The following ANKRD44 variants were observed in gnomAD, a reference collection of about 807,000 sequenced individuals.
ANKRD44 encodes the protein ankyrin repeat domain 44.
ANKRD44 carries 35 observed loss-of-function variants against 116.0 expected under a neutral mutation model. The ratio of observed to expected loss-of-function variants is 0.30; its 90% CI spans 0.23 to 0.40. The LOEUF is 0.40. ANKRD44 is among the 10% of genes least tolerant of loss of function. The pLI, the probability that ANKRD44 is intolerant of heterozygous loss-of-function variation, is 1.00. For synonymous variants in ANKRD44, 435 were observed against 461.8 expected, an observed-to-expected ratio of 0.94 and a Z score of 0.74; for missense variants, 1,014 against 1,242.6, an observed-to-expected ratio of 0.82 and a Z score of 2.77.
At chr2:197,074,406 T>TA (rs1372557401) in intron 16 of ANKRD44, among the ~76,000 whole-genome samples, 1 of 151,656 alleles carries the variant, frequency 6.6e-6, no homozygotes, top group Non-Finnish European at 1.5e-5. Context: ...GTTTTCCTTT[T>TA]TTAAATGCTT....
chr2:197,146,173 A>G (rs2125427486), intron 3 of ANKRD44, among the ~76,000 whole-genome samples: 1 of 152,350 alleles, frequency 6.6e-6, no homozygotes, highest in African/African-American at 2.4e-5. Flanking sequence ...GACCAGTATA[A>G]ACACAAATCA....
intron 1 of ANKRD44, among the ~76,000 whole-genome samples, chr2:197,204,650 T>A (rs1053896852): frequency 1.3e-5 from 2 of 152,322 alleles, no homozygotes; most frequent in East Asian, 1.9e-4. Context: ...AATGCCCTGA[T>A]TTTTAAATGT....
At chr2:197,248,551 T>A (rs1399961173) in intron 1 of ANKRD44, among the ~76,000 whole-genome samples, 2 of 87,728 alleles carry the variant, frequency 2.3e-5, no homozygotes, top group African/African-American at 4.2e-5. Flanking sequence ...TACATATATG[T>A]ATATGTGTGT....
chr2:197,170,675 C>G (rs1296564357), intron 2 of ANKRD44, among the ~76,000 whole-genome samples: 2 of 152,086 alleles, frequency 1.3e-5, no homozygotes, highest in Admixed American at 1.3e-4. Flanking sequence ...TTGTTAAAGT[C>G]TGAAATGTTC....
At position 197,270,292 on chromosome 2, in the gene ANKRD44, G is replaced by T. The variant is rs776007643; in HGVS notation, c.27+40286C>A. Among the ~76,000 whole-genome samples, 215 of 152,198 alleles carry T rather than the reference G, an allele frequency of 1.4e-3. 1 individual carries two copies. The highest frequency in any genetic ancestry group is 2.8e-4 in the Non-Finnish European group (19 of 68,016). On this transcript the variant is annotated intron_variant, in intron 1 of 27. Transcript: ENST00000282272. ...GGGAGTCAGACTCTGTGCCAGATGT[G>T]GAGGAGAGAGAACAGACTCTAAAGC...
intron 17 of ANKRD44, chr2:197,015,511 G>A: frequency 4.2e-6 from 2 of 479,296 alleles, no homozygotes; most frequent in Non-Finnish European, 3.9e-6. Flanking sequence ...GATGCAGTCT[G>A]CTGGATTGCA....
chr2:196,978,588 G>C (rs2075776081), intron 21 of ANKRD44, among the ~76,000 whole-genome samples: 1 of 152,140 alleles, frequency 6.6e-6, no homozygotes, highest in Non-Finnish European at 1.5e-5. Context: ...AGTAATTATT[G>C]GTTGCCAGGG....
chr2:197,036,981 G>T (rs1049683697), intron 16 of ANKRD44, among the ~76,000 whole-genome samples: 1 of 152,116 alleles, frequency 6.6e-6, no homozygotes, highest in Admixed American at 6.6e-5. Flanking sequence ...GATTAAAAAT[G>T]TTTATCAAGA....
At chr2:197,197,960 T>C (rs77331668) in intron 1 of ANKRD44, 9 of 152,292 alleles carry the variant, frequency 5.9e-5, no homozygotes, top group Non-Finnish European at 1.3e-4. Context: ...AGCTAGAATG[T>C]AAGGCACAGG....
chr2:197,241,282 C>T (rs1007763880), intron 1 of ANKRD44, among the ~76,000 whole-genome samples: 2 of 152,170 alleles, frequency 1.3e-5, no homozygotes, highest in African/African-American at 4.8e-5. Flanking sequence ...AGGACTTAGT[C>T]GTCAAATAAG....
intron 16 of ANKRD44, among the ~76,000 whole-genome samples, chr2:197,037,586 C>A (rs1301175699): frequency 6.6e-6 from 1 of 152,196 alleles, no homozygotes; most frequent in Non-Finnish European, 1.5e-5. Flanking sequence ...TTTGACACTG[C>A]AGAATTACCA....
chr2:197,107,057 A>G (rs1468314172), intron 9 of ANKRD44, among the ~76,000 whole-genome samples: 1 of 152,176 alleles, frequency 6.6e-6, no homozygotes, highest in Non-Finnish European at 1.5e-5. Flanking sequence ...GATCATTGAC[A>G]ACCAGTGAGG....
intron 2 of ANKRD44, among the ~76,000 whole-genome samples, chr2:197,152,833 A>G (rs1380000255): frequency 6.6e-6 from 1 of 152,212 alleles, no homozygotes; most frequent in Non-Finnish European, 1.5e-5. Flanking sequence ...GTCATACACC[A>G]AAACAAACAT....
chr2:197,039,733 A>T (rs1337938008), intron 16 of ANKRD44, among the ~76,000 whole-genome samples: 1 of 146,034 alleles, frequency 6.8e-6, no homozygotes, highest in Non-Finnish European at 1.5e-5. Context: ...GTGAAGGGGC[A>T]GGGGAGAGGA....
chr2:197,161,809 G>T (rs2079972163), intron 2 of ANKRD44, among the ~76,000 whole-genome samples: 1 of 152,150 alleles, frequency 6.6e-6, no homozygotes, highest in Non-Finnish European at 1.5e-5. Context: ...GAGGACACGG[G>T]GTTCAATCAG....
chr2:197,020,230 C>T (rs146021583), intron 17 of ANKRD44, among the ~76,000 whole-genome samples: 102 of 152,264 alleles, frequency 6.7e-4, no homozygotes, highest in African/African-American at 2.4e-3. Context: ...CTTAGTCTGT[C>T]GCTTAAACTT....
At chr2:197,186,373 A>G (rs1478191909) in intron 2 of ANKRD44, among the ~76,000 whole-genome samples, 2 of 152,222 alleles carry the variant, frequency 1.3e-5, no homozygotes, top group African/African-American at 2.4e-5. Flanking sequence ...ATATAACATT[A>G]GAGTTGTTGC....
chr2:197,209,430 A>G (rs1469670271), intron 1 of ANKRD44, among the ~76,000 whole-genome samples: 1 of 152,290 alleles, frequency 6.6e-6, no homozygotes, highest in South Asian at 2.1e-4. Flanking sequence ...GAGTCGGAGA[A>G]AGGCCTGACA....
intron 1 of ANKRD44, among the ~76,000 whole-genome samples, chr2:197,284,561 A>C (rs911073538): frequency 6.6e-5 from 10 of 151,638 alleles, no homozygotes; most frequent in African/African-American, 2.2e-4. Flanking sequence ...GTGTTTAAAC[A>C]AAATTCTAGA....
Sources: gnomAD v4.1 joint callset for allele counts (sites outside exome capture counted in the v4.1 genomes callset) on GRCh38, gnomAD v4.1.1 for gene constraint, MANE v1.5 for transcripts, NCBI Gene and HGNC (gene_info 2026-07-23, HGNC 2026-07-21) for gene names.